ATXN7L1: variants seen among roughly 807,000 people sequenced by gnomAD.
ATXN7L1 encodes ataxin 7 like 1, also known as ataxin-7-like protein 1.
Under a neutral mutation model 70.8 loss-of-function variants are expected in ATXN7L1, and 15 were observed. The observed-to-expected ratio is 0.21, with a 90% CI of 0.14 to 0.33. The LOEUF (loss-of-function observed/expected upper bound fraction) is 0.33, where lower values mean the gene tolerates loss of function less well. Among genes scored for constraint, ATXN7L1 ranks in the 10% least tolerant of loss-of-function variants. The pLI is 1.00. For missense variants in ATXN7L1, 975 were observed against 1,097.1 expected (o/e 0.89, Z 1.57); for synonymous variants, 440 against 445.1 (o/e 0.99, Z 0.14).
chr7:105,730,770 A>G (rs1262123193), intron 3 of ATXN7L1, among the ~76,000 whole-genome samples: 1 of 152,074 alleles, frequency 6.6e-6, no homozygotes, highest in African/African-American at 2.4e-5. Flanking sequence ...CTAAGGAGAC[A>G]TGACAACTAA....
intron 3 of ATXN7L1, among the ~76,000 whole-genome samples, chr7:105,771,201 G>GATAATAATAATAATA (rs67884616): frequency 0.01 from 1,456 of 139,218 alleles, 9 homozygotes; most frequent in East Asian, 0.024. Flanking sequence ...CTCCGTCTCT[G>GATAATAATAATAATA]ATAATAATAA....
At chr7:105,710,553 A>G (rs1223224368) in intron 3 of ATXN7L1, among the ~76,000 whole-genome samples, 2 of 151,720 alleles carry the variant, frequency 1.3e-5, no homozygotes, top group East Asian at 3.9e-4. Flanking sequence ...GACTACAGGC[A>G]CCTGCCACCA....
At chr7:105,676,754 C>T (rs779490950) in intron 3 of ATXN7L1, among the ~76,000 whole-genome samples, 21 of 152,030 alleles carry the variant, frequency 1.4e-4, no homozygotes, top group Admixed American at 3.9e-4. Context: ...GCAGGAGAAT[C>T]GCTTGAACCT....
Position 105,665,138 on chromosome 7 carries a change from T to G in ATXN7L1, c.506A>C (p.Lys169Thr). ...GCTGCTGGAGGTAAGTAGATTGTCTTTGGGCGTTTTGAATGGCTTTGAGGT... is the reference window on the plus strand; with the variant it reads ...GCTGCTGGAGGTAAGTAGATTGTCTGTGGGCGTTTTGAATGGCTTTGAGGT... ...SSTSKPFKTP[K>T]DNLLTSSSKQ... is the part of the protein sequence containing the mutation. Residue 169 changes from lysine to threonine, a missense_variant, in exon 4 of 12, where the codon AAA (lysine) becomes ACA (threonine). Around this residue, in one of 5 missense-constraint regions of ATXN7L1, gnomAD observed 192 missense variants for 215.5 expected, o/e 0.89. Coordinates refer to ENST00000419735, the MANE Select transcript of ATXN7L1 (RefSeq NM_020725.2). 1 of 1,551,720 alleles carries G rather than the reference T, an allele frequency of 6.4e-7. No homozygotes were observed. Among genetic ancestry groups the G allele is most frequent in the South Asian group, 1.2e-5 (1 of 84,060 alleles).
At chr7:105,640,294 G>A (rs1308991417) in intron 5 of ATXN7L1, among the ~76,000 whole-genome samples, 1 of 152,094 alleles carries the variant, frequency 6.6e-6, no homozygotes, top group African/African-American at 2.4e-5. Context: ...CACTGCCCTG[G>A]GTCTGATGCT....
chr7:105,788,768 C>T (rs1254767755), intron 2 of ATXN7L1, 60 bp from the exon 3 acceptor site: 1 of 1,344,448 alleles, frequency 7.4e-7, no homozygotes, highest in Non-Finnish European at 1.1e-6. Flanking sequence ...AGAAGGTGTA[C>T]AGTTTCCTCT....
intron 8 of ATXN7L1, among the ~76,000 whole-genome samples, chr7:105,621,359 C>A (rs1425336733): frequency 6.6e-6 from 1 of 152,196 alleles, no homozygotes; most frequent in Non-Finnish European, 1.5e-5. Context: ...TGCTTTATTA[C>A]ATTTTGCCTT....
intron 9 of ATXN7L1, among the ~76,000 whole-genome samples, chr7:105,619,530 ATTTTTTTTTTTTTTTTTTTTTTT>A (rs10593739): frequency 2.7e-3 from 41 of 15,190 alleles, no homozygotes; most frequent in South Asian, 8.3e-3. Context: ...ATATATATAT[ATTTTTTTTTTTTTTTTTTTTTTT>A]TTTTTTTTTT....
At chr7:105,832,020 C>T (rs1417187856) in intron 2 of ATXN7L1, among the ~76,000 whole-genome samples, 1 of 152,066 alleles carries the variant, frequency 6.6e-6, no homozygotes, top group East Asian at 1.9e-4. Context: ...ATATAAGCCC[C>T]TAATGCTGAT....
At position 105,613,532 on chromosome 7, in the gene ATXN7L1, G is replaced by A. The variant is rs879043914; in HGVS notation, c.2472+330C>T. 5.9e-5 allele frequency: 73 copies of A among 1,243,936 alleles called. No homozygotes were observed. The Admixed American group carries it at 2.3e-3, about 39-fold the overall frequency. 77.1% of individuals were successfully genotyped at this position (1,243,936 alleles called of 1,614,324 possible). A position where few individuals can be genotyped will look rare whatever the true frequency, so the allele number is the denominator to read the frequency against. ...AGAACCTCAAAAGATAAAACTGACC[G>A]ATGTGGAGTGGGGAACTCAGAATCT... On this transcript the variant is annotated intron_variant, in intron 10 of 11. Coordinates refer to ENST00000419735, the MANE Select transcript of ATXN7L1 (RefSeq NM_020725.2).
chr7:105,786,395 T>C (rs1392592764), intron 3 of ATXN7L1, among the ~76,000 whole-genome samples: 16 of 152,212 alleles, frequency 1.1e-4, no homozygotes, highest in Non-Finnish European at 2.4e-4. Flanking sequence ...ATCTGGGACC[T>C]TTCCCCTGGG....
intron 3 of ATXN7L1, among the ~76,000 whole-genome samples, chr7:105,710,983 AG>A (rs1329071100): frequency 6.6e-6 from 1 of 152,220 alleles, no homozygotes; most frequent in Non-Finnish European, 1.5e-5. Flanking sequence ...AGCCAAGCAA[AG>A]GGGGAACCCA....
intron 3 of ATXN7L1, among the ~76,000 whole-genome samples, chr7:105,732,321 G>A (rs1352522452): frequency 6.6e-6 from 1 of 152,166 alleles, no homozygotes. Flanking sequence ...GCTGAGGCAG[G>A]AGCATTGCTT....
intron 3 of ATXN7L1, chr7:105,761,300 T>C (rs1800500538): frequency 1.2e-6 from 2 of 1,602,226 alleles, no homozygotes; most frequent in East Asian, 4.5e-5. Context: ...AGTCTCCTCT[T>C]CCAGGAAGCC....
At chr7:105,665,343 C>T in intron 3 of ATXN7L1, 55 bp from the exon 4 acceptor site, 1 of 1,392,014 alleles carries the variant, frequency 7.2e-7, no homozygotes, top group Non-Finnish European at 1.0e-6. Flanking sequence ...GGTGAGGCTC[C>T]CACACACTCA....
At chr7:105,609,965 G>C (rs1435616245) in intron 11 of ATXN7L1, among the ~76,000 whole-genome samples, 2 of 151,900 alleles carry the variant, frequency 1.3e-5, no homozygotes, top group African/African-American at 4.8e-5. Flanking sequence ...TGGAGATGGT[G>C]TTTCACTATA....
chr7:105,776,270 A>T (rs1449376298), intron 3 of ATXN7L1, among the ~76,000 whole-genome samples: 1 of 152,184 alleles, frequency 6.6e-6, no homozygotes, highest in African/African-American at 2.4e-5. Flanking sequence ...CAGGGATCAA[A>T]GCCATGGCCT....
At position 105,707,667 on chromosome 7, in the gene ATXN7L1, G is replaced by A. The variant is rs563906143; in HGVS notation, c.356-42379C>T. Among the ~76,000 whole-genome samples, 5 of 152,294 alleles carry A rather than the reference G, an allele frequency of 3.3e-5. No homozygotes were observed. The East Asian group carries it at 5.8e-4, about 18-fold the overall frequency. On this transcript the variant is annotated intron_variant, in intron 3 of 11. Coordinates refer to ENST00000419735, the MANE Select transcript of ATXN7L1 (RefSeq NM_020725.2). ...CAGCAACAACCCTATCACCACTGTG[G>A]TCACACCCTGCGAACATGACCTCCT... is the stretch of plus-strand genomic sequence containing the variant.
intron 2 of ATXN7L1, among the ~76,000 whole-genome samples, chr7:105,872,352 T>C (rs1190991957): frequency 6.6e-6 from 1 of 152,138 alleles, no homozygotes; most frequent in Non-Finnish European, 1.5e-5. Context: ...GTTTAGTCTA[T>C]TAAAAATATA....
Sources: gnomAD v4.1 joint callset for allele counts (sites outside exome capture counted in the v4.1 genomes callset) on GRCh38, gnomAD v4.1.1 for gene constraint, gnomAD v4.1.1 regional missense constraint, MANE v1.5 for transcripts, NCBI Gene and HGNC (gene_info 2026-07-23, HGNC 2026-07-21) for gene names.